Variants in SRFBP1 observed in about 807,000 individuals in gnomAD.
SRFBP1 encodes serum response factor-binding protein 1.
A neutral mutation model predicts 45.5 loss-of-function variants in SRFBP1; 47 were observed. The ratio of observed to expected loss-of-function variants is 1.03; its 90% CI spans 0.82 to 1.32. The LOEUF (loss-of-function observed/expected upper bound fraction) is 1.32, where lower values mean the gene tolerates loss of function less well. SRFBP1 is among the 40% of genes most tolerant of loss of function. The pLI is 0.00. For synonymous variants in SRFBP1, 203 were observed against 166.3 expected, an observed-to-expected ratio of 1.22 and a Z score of -1.70; for missense variants, 621 against 484.6, an observed-to-expected ratio of 1.28 and a Z score of -2.64.
At chr5:121,998,118 G>C (rs1332159430) in intron 4 of SRFBP1, among the ~76,000 whole-genome samples, 1 of 150,820 alleles carries the variant, frequency 6.6e-6, no homozygotes, top group African/African-American at 2.4e-5. Flanking sequence ...GATTCCTCAG[G>C]GATCTAGAAC....
At chr5:121,997,309 A>C (rs1251996812) in intron 4 of SRFBP1, among the ~76,000 whole-genome samples, 1 of 150,024 alleles carries the variant, frequency 6.7e-6, no homozygotes, top group African/African-American at 2.5e-5. Flanking sequence ...ACTGGTACCA[A>C]AACAGAGATG....
chr5:121,964,094 G>T (rs976149819), intron 1 of SRFBP1, among the ~76,000 whole-genome samples: 1 of 151,982 alleles, frequency 6.6e-6, no homozygotes, highest in Admixed American at 6.6e-5. Context: ...ATTTGAATTC[G>T]CTTTCAATCT....
rs780814187 is a variant in SRFBP1, at chr5:121,994,614, A to G, written c.214A>G (p.Ile72Val). 3.1e-6 allele frequency: 5 copies of G among 1,597,582 alleles called. No homozygotes were observed. The highest frequency in any genetic ancestry group is 3.5e-5 in the Admixed American group (2 of 56,496). ...TCTTTCACAGGAATTGAAACCTGAC[A>G]TAGTAACTAAATCTGCTCTTGGTGA... ...IHAMKELKPDIVTKSALGDDI... is the reference protein window; with the variant it reads ...IHAMKELKPDVVTKSALGDDI... The change falls in exon 4 of 8, where the codon ATA (isoleucine) becomes GTA (valine). Residue 72 changes from isoleucine (I) to valine (V), a missense_variant. Coordinates refer to ENST00000339397, the MANE Select transcript of SRFBP1 (RefSeq NM_152546.3).
downstream of SRFBP1, among the ~76,000 whole-genome samples, chr5:122,031,295 T>C (rs575470302): frequency 2.0e-5 from 3 of 152,298 alleles, no homozygotes; most frequent in Admixed American, 1.3e-4. Flanking sequence ...GAGTCTGATA[T>C]ACAGAGTTGT....
chr5:121,982,285 T>C (rs1156271306), intron 3 of SRFBP1, among the ~76,000 whole-genome samples: 1 of 151,944 alleles, frequency 6.6e-6, no homozygotes, highest in East Asian at 1.9e-4. Context: ...CAGGAAATCA[T>C]AGCGCTATTT....
downstream of SRFBP1, chr5:122,075,591 A>G (rs764097068): frequency 7.2e-6 from 9 of 1,245,674 alleles, no homozygotes; most frequent in African/African-American, 9.0e-5. Flanking sequence ...ATATTAACTA[A>G]AGACAAAACT....
At chr5:122,062,971 T>C (rs989835691) in intron 2 of SRFBP1, among the ~76,000 whole-genome samples, 2 of 151,994 alleles carry the variant, frequency 1.3e-5, no homozygotes, top group Admixed American at 6.6e-5. Flanking sequence ...TGTGTCCTTA[T>C]AAGTAGCTGG....
Position 122,058,552 on chromosome 5 carries a change from G to A in SRFBP1, n.312-16763G>A, listed in dbSNP as rs923866227. Among the ~76,000 whole-genome samples, 64 of 151,548 alleles carry A rather than the reference G, an allele frequency of 4.2e-4. 2 individuals carry two copies. In the South Asian group the frequency reaches 0.013, roughly 31 times the overall value. ...ATAGTGTGTGTGTGTGTGTGTGTGT[G>A]TGTGTGTGTGTGTGTGTGTATAAAG... On this transcript the variant is annotated intron_variant and non_coding_transcript_variant, in intron 2 of 2. Transcript: ENST00000504881.
chr5:121,966,260 A>AAGCC (rs1752061420), intron 1 of SRFBP1, among the ~76,000 whole-genome samples: 1 of 152,200 alleles, frequency 6.6e-6, no homozygotes, highest in Admixed American at 6.5e-5. Context: ...GTTTGTTGTT[A>AAGCC]TTCTTGCGAA....
chr5:122,009,357 A>T (rs1753042340), intron 4 of SRFBP1, among the ~76,000 whole-genome samples: 1 of 152,062 alleles, frequency 6.6e-6, no homozygotes, highest in Non-Finnish European at 1.5e-5. Flanking sequence ...AGTGTCTTTG[A>T]TGGATACAAT....
At chr5:122,077,880 G>T (rs752726099), downstream of SRFBP1, 17 of 1,535,996 alleles carry the variant, frequency 1.1e-5, no homozygotes, top group Non-Finnish European at 1.5e-5. The surrounding 1 kb of genome is among the most constrained non-coding windows in gnomAD (Gnocchi z 4.9). Flanking sequence ...GGAGCCGCCG[G>T]CGGCTCGCGC....
rs189044201 is a variant in SRFBP1, at chr5:122,049,592, C to T, written n.312-25723C>T. ...ATATACATTCTTCTCAGCACCACCC[C>T]GCACTTATACCAATATTGACCACAC... is the stretch of plus-strand genomic sequence containing the variant. On this transcript the variant is annotated intron_variant and non_coding_transcript_variant, in intron 2 of 2. Coordinates refer to the SRFBP1 transcript ENST00000504881. Among the ~76,000 whole-genome samples the T allele has an allele frequency of 4.2e-3, 635 of 152,066 alleles. 8 individuals carry two copies. Among genetic ancestry groups the T allele is most frequent in the African/African-American group, 0.015 (610 of 41,516 alleles).
intron 2 of SRFBP1, among the ~76,000 whole-genome samples, chr5:122,035,567 C>G (rs1171672957): frequency 6.6e-6 from 1 of 152,118 alleles, no homozygotes; most frequent in Non-Finnish European, 1.5e-5. Flanking sequence ...TACCACATCT[C>G]TTTGTTGGAT....
At chr5:121,980,321 C>T (rs540170099) in intron 3 of SRFBP1, among the ~76,000 whole-genome samples, 13 of 152,150 alleles carry the variant, frequency 8.5e-5, no homozygotes, top group African/African-American at 2.9e-4. Context: ...GTGTTGAGTT[C>T]TGGCACTTGA....
chr5:121,994,683 T>C lies in SRFBP1; in HGVS notation c.270+13T>C. ...AATCTTCAAAAAGGTATATCTGCAA[T>C]AGATTATATTTGTCTTATGAAAAGT... On this transcript the variant is annotated intron_variant, in intron 4 of 7. Coordinates refer to ENST00000339397, the MANE Select transcript of SRFBP1 (RefSeq NM_152546.3). 6.6e-7 allele frequency: 1 copy of C among 1,508,784 alleles called. No individual in the cohort carries two copies. Among genetic ancestry groups the C allele is most frequent in the Non-Finnish European group, 9.0e-7 (1 of 1,109,610 alleles). 93.5% of individuals were successfully genotyped at this position (1,508,784 alleles called of 1,614,324 possible).
chr5:122,068,932 C>CGGT (rs765146966), intron 2 of SRFBP1, among the ~76,000 whole-genome samples: 21 of 151,878 alleles, frequency 1.4e-4, no homozygotes, highest in Non-Finnish European at 2.6e-4. Context: ...GGTGTTCTGG[C>CGGT]GGTGGGGGTC....
intron 3 of SRFBP1, among the ~76,000 whole-genome samples, chr5:121,979,923 G>A (rs987790840): frequency 6.6e-6 from 1 of 152,084 alleles, no homozygotes; most frequent in East Asian, 1.9e-4. Context: ...TTTGTTTATT[G>A]TAAGCATCCT....
intron 3 of SRFBP1, among the ~76,000 whole-genome samples, chr5:121,978,573 C>G (rs1580502894): frequency 6.6e-6 from 1 of 152,166 alleles, no homozygotes; most frequent in East Asian, 1.9e-4. Context: ...CTCACTGTAA[C>G]CTCCGCCTCC....
chr5:122,020,396 A>G lies in SRFBP1; in HGVS notation c.661A>G (p.Thr221Ala), dbSNP rs1457076087. 2 of 1,614,126 alleles carry G rather than the reference A, an allele frequency of 1.2e-6. No individual in the cohort carries two copies. The highest frequency in any genetic ancestry group is 1.1e-5 in the South Asian group (1 of 91,074). The change falls in exon 6 of 8, where the codon ACA becomes GCA. Residue 221 changes from threonine to alanine, a missense_variant. Thr to Ala is a moderately conservative substitution (Grantham distance 58). Transcript: ENST00000339397. ...DSVVSLESQK[T>A]PADPKLKTLS... is the part of the protein sequence containing the mutation. ...TGTAGTTTCCCTTGAGTCCCAGAAG[A>G]CACCTGCTGACCCAAAACTGAAAAC...
Sources: gnomAD v4.1 joint callset for allele counts (sites outside exome capture counted in the v4.1 genomes callset) on GRCh38, gnomAD v4.1.1 for gene constraint, Gnocchi (gnomAD v3.1) non-coding constraint, MANE v1.5 for transcripts, NCBI Gene and HGNC (gene_info 2026-07-23, HGNC 2026-07-21) for gene names.